The following SLC35F5 variants were observed in gnomAD, a reference collection of about 807,000 sequenced individuals.
The protein encoded by SLC35F5 is solute carrier family 35 member F5, also known as HCV NS5A-transactivated protein 3.
Under a neutral mutation model 68.6 loss-of-function variants are expected in SLC35F5, and 54 were observed. The observed-to-expected ratio is 0.79, with a 90% confidence interval of 0.63 to 0.99. The LOEUF is 0.99. Among genes scored for constraint, SLC35F5 ranks in the 50% least tolerant of loss-of-function variants. SLC35F5 has a pLI of 0.00. For synonymous variants in SLC35F5, 211 were observed against 205.2 expected, an observed-to-expected ratio of 1.03 and a Z score of -0.24; for missense variants, 567 against 626.9, an observed-to-expected ratio of 0.90 and a Z score of 1.02.
chr2:113,741,744 T>C (rs1160822386), intron 7 of SLC35F5: 2 of 152,194 alleles, frequency 1.3e-5, no homozygotes, highest in South Asian at 2.1e-4. Flanking sequence ...ATGTATACTT[T>C]ATTATAATTT....
rs1183110292 is a variant in SLC35F5, at chr2:113,711,048, C to T, written c.*4170G>A. Among the ~76,000 whole-genome samples the T allele has an allele frequency of 6.6e-6, 1 of 152,056 alleles. No homozygotes were observed. The highest frequency in any genetic ancestry group is 1.5e-5 in the Non-Finnish European group (1 of 68,020). On this transcript the variant is annotated 3_prime_UTR_variant, in exon 16 of 16. Coordinates refer to ENST00000245680, the MANE Select transcript of SLC35F5 (RefSeq NM_025181.5). ...TAAAACTAAAAATTTCATGAAGTGA[C>T]CTGTTAAGAGTTTCAATTTAGAAGC...
chr2:113,734,507 A>G (rs1644192376), intron 9 of SLC35F5, 79 bp downstream of exon 9: 1 of 802,268 alleles, frequency 1.2e-6, no homozygotes, highest in South Asian at 1.8e-5. Context: ...TACAATACAA[A>G]CTACCCTGGT....
chr2:113,725,013 G>C (rs1338450433), intron 12 of SLC35F5, among the ~76,000 whole-genome samples: 2 of 152,122 alleles, frequency 1.3e-5, no homozygotes, highest in African/African-American at 4.8e-5. Flanking sequence ...TTCTCAACTA[G>C]AACTCATGCA....
intron 15 of SLC35F5, 42 bp downstream of exon 15, chr2:113,717,711 A>AT (rs1438228946): frequency 1.2e-5 from 16 of 1,298,754 alleles, no homozygotes; most frequent in Non-Finnish European, 2.2e-6. Flanking sequence ...TATTACACAG[A>AT]TAAGAACCTT....
At chr2:113,718,075 C>G (rs2122096) in intron 14 of SLC35F5, among the ~76,000 whole-genome samples, 150,404 of 152,188 alleles carry the variant, frequency 0.99, 74,322 homozygotes, top group Middle Eastern at 1. Context: ...ATAAGAGATA[C>G]GGTCTCACTT....
downstream of SLC35F5, chr2:113,704,195 G>C (rs547221546): frequency 6.6e-6 from 1 of 152,264 alleles, no homozygotes; most frequent in African/African-American, 2.4e-5. Flanking sequence ...CGGGCAGCCC[G>C]CTTTTATTCT....
At chr2:113,750,745 C>T (rs747756020) in intron 3 of SLC35F5, among the ~76,000 whole-genome samples, 177 bp from the exon 4 acceptor site, 2 of 152,198 alleles carry the variant, frequency 1.3e-5, no homozygotes, top group African/African-American at 2.4e-5. Flanking sequence ...CGGCCTTGCA[C>T]ACAGAAGGGC....
chr2:113,755,955 G>A (rs1442234835), intron 1 of SLC35F5: 3 of 1,549,774 alleles, frequency 1.9e-6, no homozygotes, highest in Non-Finnish European at 2.6e-6. Context: ...TTTGGTTATC[G>A]GAGAGTAAGT....
chr2:113,747,419 G>A (rs756524025), intron 4 of SLC35F5, among the ~76,000 whole-genome samples: 1 of 152,108 alleles, frequency 6.6e-6, no homozygotes, highest in Non-Finnish European at 1.5e-5. Flanking sequence ...AAAGTCTGAA[G>A]AGGTTAAAAA....
At position 113,756,589 on chromosome 2, in the gene SLC35F5, G is replaced by A. The variant is rs888364627; in HGVS notation, c.-180C>T. On this transcript the variant is annotated 5_prime_UTR_variant, in exon 1 of 16. Coordinates refer to ENST00000245680, the MANE Select transcript of SLC35F5 (RefSeq NM_025181.5). Reference sequence around the variant, plus strand: ...CACTCGGCCCAGGAGGGCGTGGAGCGGGTGAGGGGAAGGGACGGCACAGTC... The same window carrying A: ...CACTCGGCCCAGGAGGGCGTGGAGCAGGTGAGGGGAAGGGACGGCACAGTC... The A allele has an allele frequency of 1.4e-6, 2 of 1,418,254 alleles. No individual in the cohort carries two copies. Among genetic ancestry groups the A allele is most frequent in the East Asian group, 2.6e-5 (1 of 38,132 alleles). The allele number at this position is 1,418,254 out of a possible 1,614,324, so 87.9% of individuals were successfully genotyped here. A position where few individuals can be genotyped will look rare whatever the true frequency, so the allele number is the denominator to read the frequency against.
At position 113,749,688 on chromosome 2, in the gene SLC35F5, C is replaced by T. The variant is rs556390790; in HGVS notation, c.417+737G>A. Among the ~76,000 whole-genome samples the T allele has an allele frequency of 7.9e-5, 12 of 152,152 alleles. No homozygotes were observed. The East Asian group carries it at 9.7e-4, about 12-fold the overall frequency. ...ATTTTTAAGTCTGTGTACAGACTTT[C>T]GGTCTAGGATGATGAAAAATTCTGG... is the stretch of plus-strand genomic sequence containing the variant. On this transcript the variant is annotated intron_variant, in intron 4 of 15. Transcript: ENST00000245680.
intron 15 of SLC35F5, among the ~76,000 whole-genome samples, chr2:113,716,495 G>A (rs997912912): frequency 2.6e-5 from 4 of 152,194 alleles, no homozygotes; most frequent in African/African-American, 9.6e-5. Flanking sequence ...ACACAGGGAT[G>A]ATGAGGAGGC....
At chr2:113,703,913 T>A (rs1048985997), downstream of SLC35F5, 3 of 152,414 alleles carry the variant, frequency 2.0e-5, no homozygotes, top group African/African-American at 7.2e-5. Flanking sequence ...ACTTCCAGAA[T>A]GAAGCCGTGG....
At position 113,743,803 on chromosome 2, in the gene SLC35F5, T is replaced by C; in HGVS notation, c.481-9A>G. 6.3e-7 allele frequency: 1 copy of C among 1,582,234 alleles called. No homozygotes were observed. Among genetic ancestry groups the C allele is most frequent in the Non-Finnish European group, 8.6e-7 (1 of 1,163,376 alleles). ...ACATACAGAGGTTCACTCTGGAATG[T>C]AACAGAAAAAAATATAAACAACAAA... is the stretch of plus-strand genomic sequence containing the variant. On this transcript the variant is annotated splice_polypyrimidine_tract_variant and intron_variant, in intron 5 of 15. Transcript: ENST00000245680.
downstream of SLC35F5, among the ~76,000 whole-genome samples, chr2:113,702,953 C>A (rs539601996): frequency 3.3e-5 from 5 of 151,846 alleles, no homozygotes; most frequent in South Asian, 4.2e-4. Flanking sequence ...TACTAAAAAT[C>A]AAAAAACTTA....
rs1686877950 is a variant in SLC35F5 at position 113,708,839 on chromosome 2, T to C, written c.*6379A>G. ...TGTCTGAAAATCAAGATCAAGCAGGTGATGAAAACTATACCTTTTGAACAT... is the reference window on the plus strand; with the variant it reads ...TGTCTGAAAATCAAGATCAAGCAGGCGATGAAAACTATACCTTTTGAACAT... On this transcript the variant is annotated 3_prime_UTR_variant, in exon 16 of 16. Coordinates refer to ENST00000245680, the MANE Select transcript of SLC35F5 (RefSeq NM_025181.5). 6.7e-6 allele frequency among the ~76,000 whole-genome samples: 1 copy of C among 149,078 alleles called. No individual in the cohort carries two copies. Among genetic ancestry groups the C allele is most frequent in the South Asian group, 2.2e-4 (1 of 4,634 alleles).
chr2:113,755,505 G>A lies in SLC35F5; in HGVS notation c.80C>T (p.Ala27Val). Residue 27 changes from alanine (A) to valine (V), a missense_variant, in exon 2 of 16, where the codon GCC becomes GTC. Physicochemically the swap from Ala to Val is moderately conservative, Grantham distance 64. Transcript: ENST00000245680. Reference protein sequence around the residue: ...SSSPPFRLRSAKFSGIALEDL... With the variant: ...SSSPPFRLRSVKFSGIALEDL... ...CTCAAGAGCAATGCCGGAAAACTTG[G>A]CAGATCTCAGTCTAAAAGGAGGTGA... is the stretch of plus-strand genomic sequence containing the variant. 2 of 1,614,008 alleles carry A rather than the reference G, an allele frequency of 1.2e-6. No homozygotes were observed. Among genetic ancestry groups the A allele is most frequent in the East Asian group, 2.2e-5 (1 of 44,886 alleles).
intron 9 of SLC35F5, among the ~76,000 whole-genome samples, chr2:113,732,989 G>T (rs1204075792): frequency 1.3e-5 from 2 of 152,072 alleles, no homozygotes; most frequent in African/African-American, 4.8e-5. Flanking sequence ...CTTCAAGATT[G>T]TTGTTATGTA....
chr2:113,731,714 A>G, intron 9 of SLC35F5, 66 bp from the exon 10 acceptor site: 2 of 1,297,396 alleles, frequency 1.5e-6, no homozygotes, highest in South Asian at 2.4e-5. Context: ...TGAAGATAAA[A>G]ATTATTTATA....
Sources: gnomAD v4.1 joint callset for allele counts (sites outside exome capture counted in the v4.1 genomes callset) on GRCh38, gnomAD v4.1.1 for gene constraint, MANE v1.5 for transcripts, NCBI Gene and HGNC (gene_info 2026-07-23, HGNC 2026-07-21) for gene names.